Variants in SNTG1 observed in about 807,000 individuals in gnomAD.
The protein encoded by SNTG1 is syntrophin gamma 1, also known as gamma-1-syntrophin.
In SNTG1, 39 loss-of-function variants were observed where a neutral mutation model predicts 74.7. The ratio of observed to expected loss-of-function variants is 0.52; its 90% CI spans 0.40 to 0.68. SNTG1 has a LOEUF of 0.68. Ranked by LOEUF, SNTG1 falls within the 30% of genes least tolerant of loss-of-function variation. SNTG1 has a pLI of 0.00. For missense variants in SNTG1, 685 were observed against 609.5 expected, an observed-to-expected ratio of 1.12 and a Z score of -1.30; for synonymous variants, 254 against 217.1, an observed-to-expected ratio of 1.17 and a Z score of -1.49.
At chr8:50,313,816 C>G (rs1378100123) in intron 2 of SNTG1, among the ~76,000 whole-genome samples, 1 of 149,846 alleles carries the variant, frequency 6.7e-6, no homozygotes, top group East Asian at 2.0e-4. Context: ...TTTTACCTCC[C>G]TTTATCATAA....
At chr8:49,988,931 T>C (rs1813425612) in intron 1 of SNTG1, among the ~76,000 whole-genome samples, 1 of 151,976 alleles carries the variant, frequency 6.6e-6, no homozygotes, top group South Asian at 2.1e-4. Flanking sequence ...TAATTTACTG[T>C]ATATTTAAAT....
At chr8:49,936,608 T>A (rs1357401365) in intron 1 of SNTG1, among the ~76,000 whole-genome samples, 1 of 152,186 alleles carries the variant, frequency 6.6e-6, no homozygotes, top group Non-Finnish European at 1.5e-5. Flanking sequence ...TTTCTGCAAT[T>A]TGAAAAATGT....
intron 1 of SNTG1, among the ~76,000 whole-genome samples, chr8:49,936,361 T>C (rs1198237721): frequency 2.0e-5 from 3 of 152,182 alleles, no homozygotes; most frequent in Non-Finnish European, 4.4e-5. Context: ...TGCTACAGTT[T>C]CCCTGTTTAT....
At chr8:50,079,476 T>C (rs1187676377) in intron 1 of SNTG1, among the ~76,000 whole-genome samples, 1 of 152,010 alleles carries the variant, frequency 6.6e-6, no homozygotes, top group Admixed American at 6.6e-5. Flanking sequence ...CTTTGTCAGA[T>C]GGGTAGATTG....
At chr8:50,468,575 T>C (rs1055000986) in intron 8 of SNTG1, among the ~76,000 whole-genome samples, 26 of 152,184 alleles carry the variant, frequency 1.7e-4, no homozygotes, top group African/African-American at 5.3e-4. Context: ...GGGTCTTTTA[T>C]ATTCCCTAGA....
At chr8:50,768,607 T>C (rs960817078) in intron 18 of SNTG1, among the ~76,000 whole-genome samples, 1 of 152,070 alleles carries the variant, frequency 6.6e-6, no homozygotes, top group Non-Finnish European at 1.5e-5. Flanking sequence ...TCAGTCTATC[T>C]GGCTTTTCAC....
chr8:50,652,689 C>T (rs1298855686), intron 13 of SNTG1, among the ~76,000 whole-genome samples: 2 of 151,900 alleles, frequency 1.3e-5, no homozygotes, highest in African/African-American at 2.4e-5. Context: ...CCCGGTTACT[C>T]GGGAGGCTGA....
chr8:50,761,834 G>T (rs1185240847), intron 18 of SNTG1, among the ~76,000 whole-genome samples: 1 of 151,908 alleles, frequency 6.6e-6, no homozygotes, highest in Non-Finnish European at 1.5e-5. Flanking sequence ...ATTCAAGAAT[G>T]AAGTTTAACT....
chr8:50,791,813 A>G (rs1781115111), intron 18 of SNTG1, among the ~76,000 whole-genome samples: 1 of 151,836 alleles, frequency 6.6e-6, no homozygotes, highest in African/African-American at 2.4e-5. Context: ...TCTTTCAATC[A>G]TCTTGAAATT....
At chr8:50,062,870 A>C (rs1217899343) in intron 1 of SNTG1, among the ~76,000 whole-genome samples, 1 of 152,194 alleles carries the variant, frequency 6.6e-6, no homozygotes, top group Non-Finnish European at 1.5e-5. Context: ...TTTACCCAAA[A>C]TTTTATATCC....
At chr8:50,278,183 G>GA (rs1032522490) in intron 2 of SNTG1, among the ~76,000 whole-genome samples, 21 of 150,084 alleles carry the variant, frequency 1.4e-4, no homozygotes, top group African/African-American at 4.1e-4. Context: ...AAAAGAAAAA[G>GA]AAAAAAAAGG....
At chr8:50,559,336 A>ATTGT (rs1036730867) in intron 12 of SNTG1, among the ~76,000 whole-genome samples, 17 of 152,194 alleles carry the variant, frequency 1.1e-4, no homozygotes, top group African/African-American at 4.1e-4. Flanking sequence ...GTCAAAATGG[A>ATTGT]TTGTTTGTTT....
At chr8:50,205,143 A>C (rs2084159842) in intron 2 of SNTG1, among the ~76,000 whole-genome samples, 1 of 152,212 alleles carries the variant, frequency 6.6e-6, no homozygotes, top group Admixed American at 6.5e-5. Context: ...AGGAATCACC[A>C]CACTGTCTTC....
At chr8:50,518,071 G>C (rs2094148782) in intron 9 of SNTG1, among the ~76,000 whole-genome samples, 1 of 152,108 alleles carries the variant, frequency 6.6e-6, no homozygotes, top group South Asian at 2.1e-4. Context: ...ACACTCCTCT[G>C]CAAATACAAG....
intron 1 of SNTG1, among the ~76,000 whole-genome samples, chr8:49,961,666 C>A (rs1019598281): frequency 6.6e-6 from 1 of 152,158 alleles, no homozygotes; most frequent in Non-Finnish European, 1.5e-5. Flanking sequence ...CGAGAATATG[C>A]CTGATATACT....
chr8:50,647,352 A>T (rs371524322), intron 13 of SNTG1, among the ~76,000 whole-genome samples: 64 of 152,214 alleles, frequency 4.2e-4, no homozygotes, highest in African/African-American at 1.4e-3. Context: ...GAGAACTCTT[A>T]AAACTCAACA....
At chr8:50,117,724 T>C (rs527414544) in intron 1 of SNTG1, among the ~76,000 whole-genome samples, 76 of 152,320 alleles carry the variant, frequency 5.0e-4, no homozygotes, top group African/African-American at 1.6e-3. Context: ...AGTTTACTTA[T>C]TCTCTCTGTT....
At chr8:50,296,943 C>A (rs993188674) in intron 2 of SNTG1, among the ~76,000 whole-genome samples, 2 of 152,250 alleles carry the variant, frequency 1.3e-5, no homozygotes, top group Admixed American at 1.3e-4. Context: ...GCTCATAAAT[C>A]CATCTGGAGA....
At chr8:50,060,887 C>T (rs938084681) in intron 1 of SNTG1, among the ~76,000 whole-genome samples, 1 of 152,134 alleles carries the variant, frequency 6.6e-6, no homozygotes, top group African/African-American at 2.4e-5. Context: ...GTCAAACCAG[C>T]AATCCCTGGA....
Sources: allele counts gnomAD v4.1 joint callset (sites outside exome capture counted in the v4.1 genomes callset), GRCh38; gene constraint gnomAD v4.1.1; transcripts MANE v1.5; gene names NCBI Gene and HGNC (gene_info 2026-07-23, HGNC 2026-07-21).